Variants in MROH6 observed in about 807,000 individuals in gnomAD.
MROH6 encodes the protein maestro heat-like repeat-containing protein family member 6.
MROH6 carries 62 observed loss-of-function variants against 67.7 expected under a neutral mutation model. That is an observed-to-expected ratio of 0.92 (90% CI 0.75 to 1.13). MROH6 has a LOEUF of 1.13. Among genes scored for constraint, MROH6 ranks in the 50% most tolerant of loss-of-function variants. The pLI is 0.00. For synonymous variants in MROH6, 566 were observed against 470.8 expected, an observed-to-expected ratio of 1.20 and a Z score of -2.62; for missense variants, 1,175 against 1,029.1, an observed-to-expected ratio of 1.14 and a Z score of -1.94.
intron 4 of MROH6, 70 bp downstream of exon 4, chr8:143,570,807 C>T: frequency 7.0e-7 from 1 of 1,422,386 alleles, no homozygotes; most frequent in Non-Finnish European, 9.5e-7. Context: ...ACTCCCTATG[C>T]CCATCCTCCC....
intron 2 of MROH6, 50 bp downstream of exon 2, chr8:143,571,983 G>C: frequency 6.4e-7 from 1 of 1,570,112 alleles, no homozygotes. Context: ...CACCACCTTG[G>C]TGCCCGAACC....
rs1056968806 is a variant in MROH6, at chr8:143,569,502, C to T, written c.1415G>A (p.Arg472Gln). ...GALRRLLLRP[R>Q]APVRLLSAEL... Reference sequence around the variant, plus strand: ...CGCGCTCAGGAGCCGCACAGGCGCCCGGGGCCGCAGCAGGAGCCTCCTCAG... The same window carrying T: ...CGCGCTCAGGAGCCGCACAGGCGCCTGGGGCCGCAGCAGGAGCCTCCTCAG... Residue 472 changes from arginine (R) to glutamine (Q), a missense_variant, in exon 9 of 14, where the codon CGG becomes CAG. Arg to Gln is a conservative substitution (Grantham distance 43). Transcript: ENST00000398882. 2 of 1,486,960 alleles carry T rather than the reference C, an allele frequency of 1.3e-6. No homozygotes were observed. Among genetic ancestry groups the T allele is most frequent in the African/African-American group, 1.5e-5 (1 of 68,140 alleles). 92.1% of individuals were successfully genotyped at this position (1,486,960 alleles called of 1,614,324 possible). A position where few individuals can be genotyped will look rare whatever the true frequency, so the allele number is the denominator to read the frequency against.
rs1457708866 is a variant in MROH6 at position 143,567,362 on chromosome 8, G to A, written c.2037C>T (p.Arg679=). The A allele has an allele frequency of 2.7e-5, 33 of 1,222,492 alleles. No individual in the cohort carries two copies. Among genetic ancestry groups the A allele is most frequent in the Admixed American group, 2.6e-4 (6 of 22,972 alleles). 75.7% of individuals were successfully genotyped at this position (1,222,492 alleles called of 1,614,324 possible). Residue 679 remains arginine, a synonymous_variant, in exon 14 of 14, where the codon CGC becomes CGT. Coordinates refer to ENST00000398882, the MANE Select transcript of MROH6 (RefSeq NM_001100878.2). ...GGGCGATGCGGAGAAGGCGGGGCCC[G>A]CGGGGGCAGCCCCGGGCACGGGCCA... is the stretch of plus-strand genomic sequence containing the variant. ...AMLARARGCP[R]GPRLLRIAPR... is the part of the protein sequence containing the mutation.
At position 143,568,612 on chromosome 8, in the gene MROH6, C is replaced by T. The variant is rs1219676033; in HGVS notation, c.1584G>A (p.Val528=). Residue 528 remains valine, a synonymous_variant, in exon 10 of 14, where the codon GTG becomes GTA. Transcript: ENST00000398882. The stretch of plus-strand genomic sequence containing the variant: ...GCAGCAGCGGCACGAGACTCTGCAG[C>T]ACCAGCTTCCGCAGGGGGCCGCGGA... ...LGLRGPLRKL[V]LQSLVPLLLR... 19 of 1,544,054 alleles carry T rather than the reference C, an allele frequency of 1.2e-5. No homozygotes were observed. In the Admixed American group the frequency reaches 1.9e-4, roughly 16 times the overall value.
chr8:143,569,600 G>A lies in MROH6; in HGVS notation c.1317C>T (p.Ser439=). 1 of 1,577,292 alleles carries A rather than the reference G, an allele frequency of 6.3e-7. No homozygotes were observed. The highest frequency in any genetic ancestry group is 1.2e-5 in the South Asian group (1 of 86,076). ...CGCCCAGGAGCGCCGGCAGCAGCGT[G>A]CTCACGTGCCGCACCTGCTGGGACT... The part of the protein sequence containing the change: ...ALNRRKVRHV[S]TLLPALLGAL... Residue 439 remains serine, a synonymous_variant, in exon 9 of 14, where the codon AGC becomes AGT. Transcript: ENST00000398882.
At chr8:143,568,099 G>C in intron 11 of MROH6, 43 bp downstream of exon 11, 1 of 1,558,136 alleles carries the variant, frequency 6.4e-7, no homozygotes, top group South Asian at 1.2e-5. Context: ...CAAGTGGGCT[G>C]CTGATCATAC....
chr8:143,567,699 G>C, intron 12 of MROH6, 23 bp from the exon 13 acceptor site: 1 of 1,577,620 alleles, frequency 6.3e-7, no homozygotes, highest in Non-Finnish European at 8.6e-7. Context: ...AGATGCATGA[G>C]TGCAGGCCCC....
Position 143,567,687 on chromosome 8 carries a change from G to A in MROH6, c.1868-11C>T. 1 of 1,579,218 alleles carries A rather than the reference G, an allele frequency of 6.3e-7. No individual in the cohort carries two copies. The highest frequency in any genetic ancestry group is 8.6e-7 in the Non-Finnish European group (1 of 1,163,308). ...GGTGGACAAGGAAGCCTGGACCACAGCAGATGCATGAGTGCAGGCCCCACA... is the reference window on the plus strand; with the variant it reads ...GGTGGACAAGGAAGCCTGGACCACAACAGATGCATGAGTGCAGGCCCCACA... On this transcript the variant is annotated splice_polypyrimidine_tract_variant and intron_variant, in intron 12 of 13. Coordinates refer to ENST00000398882, the MANE Select transcript of MROH6 (RefSeq NM_001100878.2).
rs368637582 is a variant in MROH6, at chr8:143,569,972, C to A, written c.1137G>T (p.Thr379=). Residue 379 remains threonine (T), a synonymous_variant, in exon 7 of 14, where the codon ACG becomes ACT. Transcript: ENST00000398882. ...TCACCCCTGTGAAGAAGGCCATAGC[C>A]GTGAGACGCTGCGGGTCGTCCGCGC... ...LRSADDPQRL[T]AMAFFTGLLQ... 1.0e-4 allele frequency: 164 copies of A among 1,608,352 alleles called. No homozygotes were observed. The highest frequency in any genetic ancestry group is 9.2e-5 in the Non-Finnish European group (108 of 1,179,796).
Position 143,572,579 on chromosome 8 carries a change from T to C in MROH6, c.136A>G (p.Lys46Glu). The C allele has an allele frequency of 6.2e-7, 1 of 1,604,836 alleles. No homozygotes were observed. The highest frequency in any genetic ancestry group is 8.5e-7 in the Non-Finnish European group (1 of 1,177,276). Reference sequence around the variant, plus strand: ...GCCTCAGGTTTGACCTCCCAGGACTTGGGCTGAGGGCCTGCGGAAGGGGGT... The same window carrying C: ...GCCTCAGGTTTGACCTCCCAGGACTCGGGCTGAGGGCCTGCGGAAGGGGGT... The part of the protein sequence containing the change: ...QGPPSAGPQP[K>E]SWEVKPEAEP... The change falls in exon 1 of 14, where the codon AAG (lysine) becomes GAG (glutamate). Residue 46 changes from lysine (K) to glutamate (E), a missense_variant. Transcript: ENST00000398882.
In MROH6 at chr8:143,570,223, C is replaced by A; in HGVS notation, c.1043+20G>T. 1 of 1,552,768 alleles carries A rather than the reference C, an allele frequency of 6.4e-7. No individual in the cohort carries two copies. Among genetic ancestry groups the A allele is most frequent in the Non-Finnish European group, 8.7e-7 (1 of 1,151,144 alleles). On this transcript the variant is annotated intron_variant, in intron 6 of 13. Transcript: ENST00000398882. ...CTCTTCCTGGTGTGACACCCTGGGG[C>A]CCCTCCTCACCCTCCTCACCTGGCC...
intron 6 of MROH6, 22 bp downstream of exon 6, chr8:143,570,221 G>C (rs772110279): frequency 2.8e-5 from 34 of 1,197,388 alleles, no homozygotes; most frequent in Non-Finnish European, 3.6e-5. Context: ...GACACCCTGG[G>C]GCCCCTCCTC....
Position 143,571,007 on chromosome 8 carries a change from AG to A in MROH6, c.603-14del. The A allele has an allele frequency of 6.5e-7, 1 of 1,547,638 alleles. No homozygotes were observed. The highest frequency in any genetic ancestry group is 8.7e-7 in the Non-Finnish European group (1 of 1,146,022). On this transcript the variant is annotated splice_polypyrimidine_tract_variant and intron_variant, in intron 3 of 13. Transcript: ENST00000398882. The stretch of plus-strand genomic sequence containing the variant: ...CTCGGCTGCTACCCTGAGGGTTTGG[AG>A]GGGGCTGGTGTGAGACAAGAGATGG...
chr8:143,568,304 G>C, intron 10 of MROH6, 43 bp from the exon 11 acceptor site: 3 of 1,568,674 alleles, frequency 1.9e-6, no homozygotes, highest in Non-Finnish European at 2.6e-6. Flanking sequence ...CCAGGAAGTA[G>C]AAAGGCAAAA....
At position 143,567,469 on chromosome 8, in the gene MROH6, C is replaced by A. The variant is rs756620565; in HGVS notation, c.1934-4G>T. The A allele has an allele frequency of 1.8e-5, 25 of 1,421,504 alleles. No homozygotes were observed. The highest frequency in any genetic ancestry group is 5.4e-5 in the East Asian group (2 of 37,182). 88.1% of individuals were successfully genotyped at this position (1,421,504 alleles called of 1,614,324 possible). On this transcript the variant is annotated splice_region_variant and splice_polypyrimidine_tract_variant and intron_variant, in intron 13 of 13. Transcript: ENST00000398882. ...TCGCTCTGCAGTCGCCCTAGGTCTG[C>A]GAGGAGATCGCGGCTCAGGCTGGGG...
chr8:143,570,093 G>C (rs752953661), intron 6 of MROH6, 28 bp from the exon 7 acceptor site: 3 of 1,598,794 alleles, frequency 1.9e-6, no homozygotes, highest in East Asian at 4.5e-5. Flanking sequence ...GGGAGCTCTC[G>C]CTCCGTTTGG....
intron 1 of MROH6, 34 bp from the exon 2 acceptor site, chr8:143,572,219 C>T (rs1563922664): frequency 1.2e-6 from 2 of 1,608,386 alleles, no homozygotes; most frequent in Admixed American, 1.7e-5. Flanking sequence ...CTGAAGTGCC[C>T]AAACCTCTCC....
Position 143,572,574 on chromosome 8 carries a change from G to A in MROH6, c.141C>T (p.Ser47=), listed in dbSNP as rs1160041931. ...GPPSAGPQPK[S]WEVKPEAEPQ... is the part of the protein sequence containing the mutation. The stretch of plus-strand genomic sequence containing the variant: ...GCTCAGCCTCAGGTTTGACCTCCCA[G>A]GACTTGGGCTGAGGGCCTGCGGAAG... Residue 47 remains serine, a synonymous_variant, in exon 1 of 14, where the codon TCC becomes TCT. Coordinates refer to ENST00000398882, the MANE Select transcript of MROH6 (RefSeq NM_001100878.2). 6.2e-7 allele frequency: 1 copy of A among 1,605,456 alleles called. No individual in the cohort carries two copies. Among genetic ancestry groups the A allele is most frequent in the Non-Finnish European group, 8.5e-7 (1 of 1,177,530 alleles).
At chr8:143,570,107 C>G in intron 6 of MROH6, 42 bp from the exon 7 acceptor site, 1 of 1,591,082 alleles carries the variant, frequency 6.3e-7, no homozygotes, top group Non-Finnish European at 8.5e-7. Flanking sequence ...CGTTTGGCGG[C>G]CTTTCTCCTC....
Sources: gnomAD v4.1 joint callset for allele counts on GRCh38, gnomAD v4.1.1 for gene constraint, MANE v1.5 for transcripts, NCBI Gene and HGNC (gene_info 2026-07-23, HGNC 2026-07-21) for gene names.